Variants in ANGPTL5 observed in about 807,000 individuals in gnomAD.
ANGPTL5 encodes the protein angiopoietin like 5, also known as angiopoietin-related protein 5.
ANGPTL5 carries 34 observed loss-of-function variants against 39.4 expected under a neutral mutation model. The observed-to-expected ratio is 0.86, with a 90% CI of 0.66 to 1.15. ANGPTL5 has a LOEUF of 1.15. Among genes scored for constraint, ANGPTL5 ranks in the 50% most tolerant of loss-of-function variants. ANGPTL5 has a pLI of 0.00. For missense variants in ANGPTL5, 467 were observed against 457.5 expected (o/e 1.02, Z -0.19); for synonymous variants, 146 against 152.1 (o/e 0.96, Z 0.29).
chr11:101,903,334 C>A (rs942440238), intron 5 of ANGPTL5, among the ~76,000 whole-genome samples: 1 of 152,078 alleles, frequency 6.6e-6, no homozygotes, highest in Non-Finnish European at 1.5e-5. Context: ...GCACTCATCT[C>A]CCCAGGATTG....
At chr11:101,909,928 C>T (rs772070244) in intron 1 of ANGPTL5, among the ~76,000 whole-genome samples, 15 of 152,032 alleles carry the variant, frequency 9.9e-5, no homozygotes, top group Non-Finnish European at 2.1e-4. Context: ...CAGAGTATAC[C>T]CAAATAAGAT....
chr11:101,891,245 C>A lies in ANGPTL5; in HGVS notation c.*34G>T, dbSNP rs1257278363. 4 of 1,557,698 alleles carry A rather than the reference C, an allele frequency of 2.6e-6. No homozygotes were observed. The highest frequency in any genetic ancestry group is 3.5e-6 in the Non-Finnish European group (4 of 1,134,848). On this transcript the variant is annotated 3_prime_UTR_variant, in exon 9 of 9. Coordinates refer to ENST00000334289, the MANE Select transcript of ANGPTL5 (RefSeq NM_178127.5). Reference sequence around the variant, plus strand: ...CTTTTAAAAATCTTTAATATATTATCATTGTAGAACTTGCATTACAATGTT... The same window carrying A: ...CTTTTAAAAATCTTTAATATATTATAATTGTAGAACTTGCATTACAATGTT...
At chr11:101,909,891 T>C (rs1940060712) in intron 1 of ANGPTL5, among the ~76,000 whole-genome samples, 1 of 152,188 alleles carries the variant, frequency 6.6e-6, no homozygotes, top group Non-Finnish European at 1.5e-5. Flanking sequence ...TAGTGGAGTT[T>C]CAGCCAATCA....
chr11:101,896,877 G>A (rs972857500), intron 7 of ANGPTL5, among the ~76,000 whole-genome samples: 2 of 152,156 alleles, frequency 1.3e-5, no homozygotes, highest in Non-Finnish European at 2.9e-5. Flanking sequence ...ACCCAGTAAT[G>A]GGATTGCTGG....
chr11:101,895,793 C>T (rs1177681072), intron 7 of ANGPTL5, among the ~76,000 whole-genome samples: 1 of 152,130 alleles, frequency 6.6e-6, no homozygotes, highest in Non-Finnish European at 1.5e-5. Context: ...CGTGGCATAG[C>T]CCAAATGTGT....
chr11:101,904,167 A>G (rs529731565), intron 5 of ANGPTL5, among the ~76,000 whole-genome samples: 20 of 152,268 alleles, frequency 1.3e-4, no homozygotes, highest in African/African-American at 4.6e-4. Context: ...CTGTCTTCCT[A>G]CCTATCACAT....
chr11:101,913,460 C>T (rs1940127401), intron 1 of ANGPTL5, among the ~76,000 whole-genome samples: 2 of 152,300 alleles, frequency 1.3e-5, no homozygotes, highest in East Asian at 1.9e-4. Flanking sequence ...AAAGTACCTG[C>T]CTCTTTAGGC....
intron 7 of ANGPTL5, among the ~76,000 whole-genome samples, chr11:101,898,267 C>T (rs544428694): frequency 6.6e-6 from 1 of 152,188 alleles, no homozygotes; most frequent in Admixed American, 6.5e-5. Context: ...TTTCATGATA[C>T]TGATTCTTCC....
At position 101,915,051 on chromosome 11, in the gene ANGPTL5, G is replaced by A. The variant is rs1216481567; in HGVS notation, c.-93+968C>T. The A allele has an allele frequency of 6.2e-5, 31 of 501,310 alleles. 1 individual carries two copies. In the South Asian group the frequency reaches 1.1e-3, roughly 18 times the overall value. 31.1% of individuals were successfully genotyped at this position (501,310 alleles called of 1,614,324 possible). On this transcript the variant is annotated intron_variant, in intron 1 of 8. Transcript: ENST00000334289. ...TCAAGATGGCGGCTGCAGGGTTGCT[G>A]CCGCCCCATCTGCTATTGCCCGGCG...
At chr11:101,908,221 G>C (rs1940031052) in intron 1 of ANGPTL5, among the ~76,000 whole-genome samples, 1 of 152,104 alleles carries the variant, frequency 6.6e-6, no homozygotes, top group South Asian at 2.1e-4. Context: ...ATAAATGACA[G>C]ATGTAGACAG....
chr11:101,912,177 A>G (rs1940101689), intron 1 of ANGPTL5, among the ~76,000 whole-genome samples: 1 of 152,250 alleles, frequency 6.6e-6, no homozygotes, highest in Non-Finnish European at 1.5e-5. Flanking sequence ...TGCTTGGCAC[A>G]TAGTAGGTGC....
Position 101,900,491 on chromosome 11 carries a change from A to T in ANGPTL5, c.600T>A (p.Asp200Glu). Residue 200 changes from aspartate (D) to glutamate (E), a missense_variant, in exon 7 of 9, where the codon GAT (aspartate) becomes GAA (glutamate). Asp to Glu is a conservative substitution (Grantham distance 45). Coordinates refer to ENST00000334289, the MANE Select transcript of ANGPTL5 (RefSeq NM_178127.5). ...GGRTVIQKRI[D>E]GIIDFQRLWC... is the part of the protein sequence containing the mutation. The stretch of plus-strand genomic sequence containing the variant: ...ACAACCTCTGGAAATCAATTATCCC[A>T]TCAATTCTTTTCTGTATCACAGTCC... The T allele has an allele frequency of 6.2e-7, 1 of 1,613,146 alleles. No individual in the cohort carries two copies. The highest frequency in any genetic ancestry group is 1.1e-5 in the South Asian group (1 of 91,062).
At chr11:101,909,711 A>G (rs1047143707) in intron 1 of ANGPTL5, among the ~76,000 whole-genome samples, 2 of 152,202 alleles carry the variant, frequency 1.3e-5, no homozygotes, top group Non-Finnish European at 2.9e-5. Context: ...AAATAGCCTC[A>G]GCCAAGACAA....
At chr11:101,906,486 T>C (rs191232172) in intron 3 of ANGPTL5, among the ~76,000 whole-genome samples, 20 of 152,280 alleles carry the variant, frequency 1.3e-4, no homozygotes, top group Non-Finnish European at 2.2e-4. Context: ...TTTGAGACCA[T>C]GTTGCCATGA....
intron 1 of ANGPTL5, chr11:101,915,135 G>A: frequency 8.2e-7 from 1 of 1,214,694 alleles, no homozygotes; most frequent in Non-Finnish European, 1.1e-6. Context: ...CTGCGCGGGA[G>A]CTAGGGCTGT....
intron 2 of ANGPTL5, 123 bp from the exon 3 acceptor site, chr11:101,907,370 G>C: frequency 1.6e-6 from 1 of 619,526 alleles, no homozygotes; most frequent in Non-Finnish European, 2.6e-6. Flanking sequence ...GATCATTAGA[G>C]AGAAATATAA....
chr11:101,899,387 A>C (rs1249033558), intron 7 of ANGPTL5, among the ~76,000 whole-genome samples: 1 of 152,252 alleles, frequency 6.6e-6, no homozygotes, highest in East Asian at 1.9e-4. Flanking sequence ...GGCGTGAGCC[A>C]CTACACCCAG....
intron 3 of ANGPTL5, among the ~76,000 whole-genome samples, chr11:101,906,435 C>G (rs997404025): frequency 6.6e-6 from 1 of 152,058 alleles, no homozygotes; most frequent in African/African-American, 2.4e-5. Flanking sequence ...TTTCTTATAG[C>G]GAAGTTGCGA....
intron 1 of ANGPTL5, among the ~76,000 whole-genome samples, chr11:101,910,418 A>AT (rs1555048776): frequency 4.4e-5 from 6 of 134,928 alleles, no homozygotes; most frequent in Non-Finnish European, 9.5e-5. Flanking sequence ...CTCAAAAAAA[A>AT]AAAAAAATAT....
Sources: allele counts gnomAD v4.1 joint callset (sites outside exome capture counted in the v4.1 genomes callset), GRCh38; gene constraint gnomAD v4.1.1; transcripts MANE v1.5; gene names NCBI Gene and HGNC (gene_info 2026-07-23, HGNC 2026-07-21).